Variants in IL19 observed in about 807,000 individuals in gnomAD.
IL19 encodes the protein interleukin 19.
In IL19, 15 loss-of-function variants were observed where a neutral mutation model predicts 19.5. The ratio of observed to expected loss-of-function variants is 0.77; its 90% CI spans 0.52 to 1.19. The LOEUF (loss-of-function observed/expected upper bound fraction) is 1.19, where lower values mean the gene tolerates loss of function less well. Ranked by LOEUF, IL19 falls within the 50% of genes most tolerant of loss-of-function variation. The pLI, the probability that IL19 is intolerant of heterozygous loss-of-function variation, is 0.00. For missense variants in IL19, 199 were observed against 213.1 expected (o/e 0.93, Z 0.41); for synonymous variants, 78 against 78.3 (o/e 1.00, Z 0.02).
intron 2 of IL19, among the ~76,000 whole-genome samples, chr1:206,801,169 T>TAAAA (rs56281649): frequency 2.8e-5 from 4 of 144,854 alleles, no homozygotes; most frequent in Non-Finnish European, 3.0e-5. Flanking sequence ...ATTCGTAGTT[T>TAAAA]AAAAAAAAAA....
At chr1:206,788,184 G>C (rs991063555) in intron 1 of IL19, among the ~76,000 whole-genome samples, 3 of 152,124 alleles carry the variant, frequency 2.0e-5, no homozygotes, top group African/African-American at 4.8e-5. Flanking sequence ...CTTTGCAGCT[G>C]TTCTATGACT....
At chr1:206,781,184 G>A (rs1675118970) in intron 1 of IL19, among the ~76,000 whole-genome samples, 1 of 151,886 alleles carries the variant, frequency 6.6e-6, no homozygotes, top group Non-Finnish European at 1.5e-5. Flanking sequence ...GGTGGCTCAC[G>A]CCTGTAATCC....
intron 1 of IL19, among the ~76,000 whole-genome samples, chr1:206,783,891 G>C (rs1042960793): frequency 2.0e-5 from 3 of 152,206 alleles, no homozygotes; most frequent in African/African-American, 4.8e-5. Flanking sequence ...TGTTGCAAGG[G>C]CGGAATGAGT....
intron 2 of IL19, among the ~76,000 whole-genome samples, chr1:206,830,997 T>C (rs1373184969): frequency 2.6e-5 from 4 of 152,204 alleles, no homozygotes; most frequent in Non-Finnish European, 5.9e-5. Context: ...ATACATTTCA[T>C]CTAAATCCTG....
intron 2 of IL19, among the ~76,000 whole-genome samples, chr1:206,808,925 G>T (rs1022638835): frequency 6.6e-6 from 1 of 152,192 alleles, no homozygotes; most frequent in African/African-American, 2.4e-5. Flanking sequence ...GACATCATGA[G>T]TGAAGAGGGT....
chr1:206,786,636 T>A (rs1675275499), intron 1 of IL19, among the ~76,000 whole-genome samples: 1 of 152,088 alleles, frequency 6.6e-6, no homozygotes, highest in South Asian at 2.1e-4. Context: ...AGCCAGAACT[T>A]GCTTCTCTAT....
At chr1:206,801,057 T>C (rs190113210) in intron 2 of IL19, among the ~76,000 whole-genome samples, 1 of 152,254 alleles carries the variant, frequency 6.6e-6, no homozygotes, top group Admixed American at 6.5e-5. Flanking sequence ...AATTGCAACC[T>C]TCCTCAGAAA....
intron 2 of IL19, among the ~76,000 whole-genome samples, chr1:206,813,058 G>A (rs994786982): frequency 6.6e-6 from 1 of 152,194 alleles, no homozygotes; most frequent in Admixed American, 6.5e-5. Flanking sequence ...TTGTTTTGTG[G>A]TTGTATAAAA....
intron 1 of IL19, among the ~76,000 whole-genome samples, chr1:206,773,304 C>G (rs1454609866): frequency 1.3e-5 from 2 of 152,184 alleles, no homozygotes; most frequent in Non-Finnish European, 2.9e-5. Flanking sequence ...ATCACCTGTA[C>G]AAGGGTACAC....
chr1:206,799,063 AT>A, intron 2 of IL19, 57 bp downstream of exon 2: 3 of 1,170,838 alleles, frequency 2.6e-6, no homozygotes, highest in Non-Finnish European at 3.8e-6. Flanking sequence ...GGGACCAGAG[AT>A]ATCCAGTTTA....
chr1:206,800,413 A>C (rs1338543884), intron 2 of IL19, among the ~76,000 whole-genome samples: 2 of 152,234 alleles, frequency 1.3e-5, no homozygotes, highest in Non-Finnish European at 2.9e-5. Context: ...GTTGCTGTGC[A>C]ACATGACAGT....
At chr1:206,819,445 G>A (rs1676240492) in intron 2 of IL19, among the ~76,000 whole-genome samples, 3 of 152,056 alleles carry the variant, frequency 2.0e-5, no homozygotes, top group Non-Finnish European at 4.4e-5. Flanking sequence ...TTAGCCGGGT[G>A]TGTTGGTGTG....
chr1:206,778,639 T>C (rs1675063075), intron 1 of IL19, among the ~76,000 whole-genome samples: 1 of 152,214 alleles, frequency 6.6e-6, no homozygotes, highest in Non-Finnish European at 1.5e-5. Context: ...TCTCAATAAC[T>C]GTTGAGCAGG....
chr1:206,796,709 T>C (rs939660202), intron 1 of IL19, among the ~76,000 whole-genome samples: 4 of 152,236 alleles, frequency 2.6e-5, no homozygotes, highest in African/African-American at 9.6e-5. Context: ...CCTTACTGTA[T>C]GGCCTATCTT....
intron 2 of IL19, among the ~76,000 whole-genome samples, chr1:206,832,414 A>G (rs930221771): frequency 6.6e-6 from 1 of 152,176 alleles, no homozygotes; most frequent in Non-Finnish European, 1.5e-5. Flanking sequence ...AGGGCCACAT[A>G]TTGCTCAACT....
chr1:206,774,538 C>A (rs559722884), intron 1 of IL19, among the ~76,000 whole-genome samples: 1 of 152,286 alleles, frequency 6.6e-6, no homozygotes, highest in South Asian at 2.1e-4. Flanking sequence ...TCAGCATGGG[C>A]ACCAGGCAGG....
At chr1:206,812,849 C>A (rs962887826) in intron 2 of IL19, among the ~76,000 whole-genome samples, 7 of 152,072 alleles carry the variant, frequency 4.6e-5, no homozygotes, top group African/African-American at 1.7e-4. Flanking sequence ...TTATTCATAT[C>A]ATTTTATACA....
At position 206,770,953 on chromosome 1, in the gene IL19, G is replaced by A. The variant is rs1674812448; in HGVS notation, c.-274G>A. On this transcript the variant is annotated 5_prime_UTR_variant, in exon 1 of 7. Transcript: ENST00000659997. The stretch of plus-strand genomic sequence containing the variant: ...GAGGGTCTTCAGGTTCTCCCCCAGG[G>A]AGTTCACATGCGCCTTGATGTCTGG... 1.2e-6 allele frequency: 2 copies of A among 1,614,126 alleles called. No homozygotes were observed. Among genetic ancestry groups the A allele is most frequent in the South Asian group, 2.2e-5 (2 of 91,082 alleles).
chr1:206,806,186 G>A (rs180781219), intron 2 of IL19, among the ~76,000 whole-genome samples: 157 of 152,176 alleles, frequency 1.0e-3, no homozygotes, highest in African/African-American at 3.5e-3. Context: ...TAATTTCACC[G>A]GCAGCACACA....
Sources: gnomAD v4.1 joint callset for allele counts (sites outside exome capture counted in the v4.1 genomes callset) on GRCh38, gnomAD v4.1.1 for gene constraint, MANE v1.5 for transcripts, NCBI Gene and HGNC (gene_info 2026-07-23, HGNC 2026-07-21) for gene names.